The following DAB2IP variants were observed in gnomAD, a reference collection of about 807,000 sequenced individuals.
DAB2IP encodes DAB2 interacting protein, also known as disabled homolog 2-interacting protein.
Under a neutral mutation model 107.2 loss-of-function variants are expected in DAB2IP, and 28 were observed. The ratio of observed to expected loss-of-function variants is 0.26; its 90% CI spans 0.19 to 0.36. DAB2IP has a LOEUF of 0.36. DAB2IP is among the 10% of genes least tolerant of loss of function. The pLI, the probability that DAB2IP is intolerant of heterozygous loss-of-function variation, is 1.00. For synonymous variants in DAB2IP, 755 were observed against 706.4 expected (o/e 1.07, Z -1.09); for missense variants, 1,400 against 1,644.7 (o/e 0.85, Z 2.57).
At chr9:121,616,804 G>A (rs1437940913) in intron 1 of DAB2IP, among the ~76,000 whole-genome samples, 1 of 152,224 alleles carries the variant, frequency 6.6e-6, no homozygotes, top group Non-Finnish European at 1.5e-5. Flanking sequence ...GGAGGTGGCA[G>A]AAACTCCTTG....
intron 3 of DAB2IP, among the ~76,000 whole-genome samples, chr9:121,754,818 GCCTCT>G (rs1833363888): frequency 6.6e-6 from 1 of 152,066 alleles, no homozygotes; most frequent in Non-Finnish European, 1.5e-5. Flanking sequence ...AGCATGCCTC[GCCTCT>G]CCTCTCCACA....
intron 14 of DAB2IP, among the ~76,000 whole-genome samples, chr9:121,778,227 A>G (rs1201455754): frequency 6.6e-6 from 1 of 152,186 alleles, no homozygotes; most frequent in East Asian, 1.9e-4. Context: ...TAAAAGCACT[A>G]ATTCCATTTT....
chr9:121,695,133 GA>G lies in DAB2IP; in HGVS notation c.229-4181del, dbSNP rs375863847. On this transcript the variant is annotated intron_variant, in intron 2 of 15. Coordinates refer to ENST00000408936, the Ensembl canonical transcript of DAB2IP. Reference sequence around the variant, plus strand: ...GGGAGTCTCAGTGAGGTTGCTTTAGGAAAAAAAAAAAGTGCTTGTTTAAGAG... The same window carrying G: ...GGGAGTCTCAGTGAGGTTGCTTTAGGAAAAAAAAAAGTGCTTGTTTAAGAG... Among the ~76,000 whole-genome samples, 43 of 146,532 alleles carry G rather than the reference GA, an allele frequency of 2.9e-4. No individual in the cohort carries two copies. In the South Asian group the frequency reaches 6.7e-3, roughly 23 times the overall value.
chr9:121,784,647 T>TGGTTA (rs1835879914), exon 16 of DAB2IP: 2 of 155,052 alleles, frequency 1.3e-5, no homozygotes, highest in South Asian at 4.1e-4. Flanking sequence ...TCTCACCTAA[T>TGGTTA]GGTTGTACAT....
intron 3 of DAB2IP, among the ~76,000 whole-genome samples, chr9:121,755,302 G>A (rs1833400343): frequency 6.6e-6 from 1 of 152,246 alleles, no homozygotes; most frequent in Non-Finnish European, 1.5e-5. Flanking sequence ...ACCTCCCAGG[G>A]AGAGTGCCTC....
At chr9:121,714,474 C>CCACA (rs1052542347) in intron 3 of DAB2IP, among the ~76,000 whole-genome samples, 3 of 152,164 alleles carry the variant, frequency 2.0e-5, no homozygotes, top group Admixed American at 2.0e-4. Flanking sequence ...CAGCTATTGG[C>CCACA]GCTGTGAGCC....
Position 121,699,780 on chromosome 9 carries a change from C to T in DAB2IP, c.362+322C>T, listed in dbSNP as rs560881027. ...CCGAGGTGGGCATTGTTTCCCGGGC[C>T]GTGCGGTGCCCGAACCGGGGACGGA... On this transcript the variant is annotated intron_variant, in intron 3 of 15. Transcript: ENST00000408936. The surrounding 1 kb of genome is among the most constrained non-coding windows in gnomAD (Gnocchi z 6.2). Among the ~76,000 whole-genome samples, 1 of 152,200 alleles carries T rather than the reference C, an allele frequency of 6.6e-6. No homozygotes were observed. Among genetic ancestry groups the T allele is most frequent in the Non-Finnish European group, 1.5e-5 (1 of 68,012 alleles).
chr9:121,614,052 C>T (rs1206970336), intron 1 of DAB2IP, among the ~76,000 whole-genome samples: 1 of 152,188 alleles, frequency 6.6e-6, no homozygotes, highest in Non-Finnish European at 1.5e-5. Flanking sequence ...CACTTAGTAG[C>T]TGCAGGAATT....
At chr9:121,644,216 AGGAAGG>A (rs879858247) in intron 1 of DAB2IP, among the ~76,000 whole-genome samples, 3 of 151,166 alleles carry the variant, frequency 2.0e-5, no homozygotes, top group African/African-American at 7.3e-5. Context: ...GAAGAGGAAG[AGGAAGG>A]GGAAGGGGAA....
At position 121,772,143 on chromosome 9, in the gene DAB2IP, G is replaced by A. The variant is rs527916993; in HGVS notation, c.2079-464G>A. Among the ~76,000 whole-genome samples the A allele has an allele frequency of 3.3e-5, 5 of 152,184 alleles. No individual in the cohort carries two copies. The highest frequency in any genetic ancestry group is 2.1e-4 in the South Asian group (1 of 4,816). ...AGGCTGGGCAAGAGGAGGTTTCACC[G>A]GGCCCCCACTTCAGTTACCAGTCTG... On this transcript the variant is annotated intron_variant, in intron 11 of 15. Coordinates refer to ENST00000408936, the Ensembl canonical transcript of DAB2IP. This position sits in a 1 kb window ranked among gnomAD's most constrained non-coding sequence, Gnocchi z 4.7.
rs1484491039 is a variant in DAB2IP at position 121,736,256 on chromosome 9, C to T, written c.363-20757C>T. On this transcript the variant is annotated intron_variant, in intron 3 of 15. Coordinates refer to ENST00000408936, the Ensembl canonical transcript of DAB2IP. This position sits in a 1 kb window ranked among gnomAD's most constrained non-coding sequence, Gnocchi z 4.6. ...GCTGCGCTGGTCTAAGCCCGACGAA[C>T]CCGGGGTGGGGCCAGCGGGCCAAAC... Among the ~76,000 whole-genome samples, 1 of 152,212 alleles carries T rather than the reference C, an allele frequency of 6.6e-6. No homozygotes were observed. The highest frequency in any genetic ancestry group is 2.4e-5 in the African/African-American group (1 of 41,454).
At chr9:121,733,539 T>C (rs1235529908) in intron 3 of DAB2IP, among the ~76,000 whole-genome samples, 1 of 152,158 alleles carries the variant, frequency 6.6e-6, no homozygotes, top group Admixed American at 6.5e-5. Context: ...CTGCAGTGTG[T>C]GTTTCTCCAT....
At chr9:121,759,935 C>T (rs1400157873) in exon 6 of DAB2IP, 4 of 1,614,116 alleles carry the variant, frequency 2.5e-6, no homozygotes, top group Non-Finnish European at 3.4e-6. Context: ...TGATCGAGGC[C>T]AAGGACCTGC....
At chr9:121,739,525 C>G (rs769820457) in intron 3 of DAB2IP, among the ~76,000 whole-genome samples, 3 of 152,142 alleles carry the variant, frequency 2.0e-5, no homozygotes, top group Non-Finnish European at 4.4e-5. Flanking sequence ...GGAGGCTGCC[C>G]GGACAGCAGG....
intron 1 of DAB2IP, among the ~76,000 whole-genome samples, chr9:121,666,907 CACACACACAA>C (rs1359645681): frequency 2.3e-5 from 3 of 132,320 alleles, no homozygotes; most frequent in Admixed American, 7.6e-5. Context: ...CACACACACA[CACACACACAA>C]CACTCTTAAA....
At chr9:121,674,467 C>T (rs1833807014) in intron 1 of DAB2IP, among the ~76,000 whole-genome samples, 3 of 152,124 alleles carry the variant, frequency 2.0e-5, no homozygotes, top group Admixed American at 1.3e-4. Flanking sequence ...GAGAGCCAGC[C>T]GCCCTGTGCA....
intron 3 of DAB2IP, among the ~76,000 whole-genome samples, chr9:121,712,338 T>C (rs1830375815): frequency 6.6e-6 from 1 of 152,220 alleles, no homozygotes. Flanking sequence ...CTCTGAAGTG[T>C]GATCAGCTGT....
rs1240749613 is a variant in DAB2IP at position 121,702,668 on chromosome 9, G to A, written c.362+3210G>A. On this transcript the variant is annotated intron_variant, in intron 3 of 15. Coordinates refer to ENST00000408936, the Ensembl canonical transcript of DAB2IP. The surrounding 1 kb of genome is among the most constrained non-coding windows in gnomAD (Gnocchi z 4.5). ...GGAAATGCTGCTGCTTCATTTACAG[G>A]GCTGTTTTAATGTTGGTAAAAGTGA... is the stretch of plus-strand genomic sequence containing the variant. Among the ~76,000 whole-genome samples, 1 of 152,226 alleles carries A rather than the reference G, an allele frequency of 6.6e-6. No homozygotes were observed. The highest frequency in any genetic ancestry group is 2.1e-4 in the South Asian group (1 of 4,808).
At chr9:121,712,938 G>A (rs1225343048) in intron 3 of DAB2IP, among the ~76,000 whole-genome samples, 5 of 152,184 alleles carry the variant, frequency 3.3e-5, no homozygotes, top group South Asian at 2.1e-4. Flanking sequence ...CATCCACACC[G>A]GCACTCCAGA....
Sources: gnomAD v4.1 joint callset for allele counts (sites outside exome capture counted in the v4.1 genomes callset) on GRCh38, gnomAD v4.1.1 for gene constraint, Gnocchi (gnomAD v3.1) non-coding constraint, MANE v1.5 for transcripts, NCBI Gene and HGNC (gene_info 2026-07-23, HGNC 2026-07-21) for gene names.